MYO9A: variants seen among roughly 807,000 people sequenced by gnomAD.
The protein encoded by MYO9A is unconventional myosin-IXa.
MYO9A carries 103 observed loss-of-function variants against 293.3 expected under a neutral mutation model. The observed-to-expected ratio is 0.35, with a 90% CI of 0.30 to 0.41. The LOEUF (loss-of-function observed/expected upper bound fraction) is 0.41, where lower values mean the gene tolerates loss of function less well. MYO9A is among the 10% of genes least tolerant of loss of function. The probability of loss-of-function intolerance (pLI) is 1.00; values close to 1 mark genes in which losing one functional copy is unlikely to be tolerated. For synonymous variants in MYO9A, 1,001 were observed against 1,035.7 expected (o/e 0.97, Z 0.64); for missense variants, 2,685 against 3,033.0 (o/e 0.89, Z 2.69).
chr15:71,906,047 TTTCA>T (rs2057628005), intron 19 of MYO9A, among the ~76,000 whole-genome samples: 1 of 152,268 alleles, frequency 6.6e-6, no homozygotes, highest in African/African-American at 2.4e-5. Flanking sequence ...AATTTTGATA[TTTCA>T]TTCTATTTAA....
intron 1 of MYO9A, among the ~76,000 whole-genome samples, chr15:72,098,161 G>C (rs1245930440): frequency 6.6e-6 from 1 of 151,658 alleles, no homozygotes; most frequent in Non-Finnish European, 1.5e-5. Context: ...ATGGAGCTCT[G>C]TAACTCTGGA....
In MYO9A at chr15:71,823,553, A is replaced by C. The variant is rs1595964513; in HGVS notation, c.*3027T>G. ...GTGGCAAAATAATTTAAATGGCAGG[A>C]GGTACAAAGTACGTTGTAAACTAAG... On this transcript the variant is annotated 3_prime_UTR_variant, in exon 42 of 42. Coordinates refer to ENST00000356056, the MANE Select transcript of MYO9A (RefSeq NM_006901.4). 1 of 152,348 alleles carries C rather than the reference A, an allele frequency of 6.6e-6. No homozygotes were observed. Among genetic ancestry groups the C allele is most frequent in the East Asian group, 1.9e-4 (1 of 5,190 alleles). 9.4% of individuals were successfully genotyped at this position (152,348 alleles called of 1,614,324 possible). A position where few individuals can be genotyped will look rare whatever the true frequency, so the allele number is the denominator to read the frequency against.
intron 19 of MYO9A, among the ~76,000 whole-genome samples, chr15:71,907,187 T>C (rs893090507): frequency 2.0e-5 from 3 of 151,060 alleles, no homozygotes; most frequent in Non-Finnish European, 2.9e-5. Context: ...AGGGAGAATA[T>C]GCGGTGTTTG....
intron 11 of MYO9A, among the ~76,000 whole-genome samples, chr15:71,988,444 T>C (rs1334347064): frequency 6.6e-6 from 1 of 152,230 alleles, no homozygotes. Context: ...AAGTGTTAGC[T>C]AATATTATAA....
At chr15:71,897,292 C>T in intron 25 of MYO9A, 169 bp downstream of exon 25, 1 of 701,646 alleles carries the variant, frequency 1.4e-6, no homozygotes, top group Non-Finnish European at 2.4e-6. Flanking sequence ...GATATAACTA[C>T]ATCCAACTTC....
chr15:72,021,117 A>T, intron 4 of MYO9A, 100 bp from the exon 5 acceptor site: 1 of 677,680 alleles, frequency 1.5e-6, no homozygotes, highest in Non-Finnish European at 2.4e-6. Flanking sequence ...AAAATGTATC[A>T]GCTTTGCTTC....
intron 39 of MYO9A, among the ~76,000 whole-genome samples, chr15:71,840,834 C>T (rs1244444484): frequency 3.3e-5 from 5 of 152,086 alleles, no homozygotes; most frequent in South Asian, 2.1e-4. Context: ...GGTTTCACCA[C>T]GTTAGCCAGG....
chr15:71,903,066 GA>G lies in MYO9A; in HGVS notation c.2878-4del. ...ACATGGAAGTGGCTCACAAAATCCT[GA>G]AAAATAATTTAAAAATATTGTAAAA... is the stretch of plus-strand genomic sequence containing the variant. On this transcript the variant is annotated splice_region_variant and splice_polypyrimidine_tract_variant and intron_variant, in intron 21 of 41. Transcript: ENST00000356056. 1 of 1,581,468 alleles carries G rather than the reference GA, an allele frequency of 6.3e-7. No individual in the cohort carries two copies. The highest frequency in any genetic ancestry group is 8.6e-7 in the Non-Finnish European group (1 of 1,161,120).
intron 1 of MYO9A, among the ~76,000 whole-genome samples, chr15:72,089,626 T>TAAAA: frequency 6.6e-6 from 1 of 152,118 alleles, no homozygotes; most frequent in African/African-American, 2.4e-5. Context: ...CAAAAAATTT[T>TAAAA]AAAAATTAGC....
intron 37 of MYO9A, among the ~76,000 whole-genome samples, chr15:71,850,849 C>T (rs897982366): frequency 2.8e-5 from 4 of 143,112 alleles, no homozygotes; most frequent in Non-Finnish European, 4.5e-5. Flanking sequence ...GCTTTCTTCT[C>T]AACTACTGCT....
At chr15:72,039,205 G>A (rs967631808) in intron 2 of MYO9A, among the ~76,000 whole-genome samples, 1 of 152,024 alleles carries the variant, frequency 6.6e-6, no homozygotes, top group Non-Finnish European at 1.5e-5. Flanking sequence ...ACACAAGTAT[G>A]TCATTGTTTT....
intron 15 of MYO9A, among the ~76,000 whole-genome samples, chr15:71,946,363 A>G (rs2058919081): frequency 6.6e-6 from 1 of 152,196 alleles, no homozygotes; most frequent in Non-Finnish European, 1.5e-5. Flanking sequence ...AATATTGTAA[A>G]AAGATACCGC....
chr15:71,991,071 G>A (rs1399567236), intron 11 of MYO9A, 32 bp downstream of exon 11: 1 of 1,490,580 alleles, frequency 6.7e-7, no homozygotes, highest in Non-Finnish European at 9.0e-7. Context: ...TGTGTGATGG[G>A]GGGACAAGTG....
chr15:72,064,728 T>C (rs1004885625), intron 1 of MYO9A, among the ~76,000 whole-genome samples: 1 of 152,194 alleles, frequency 6.6e-6, no homozygotes, highest in African/African-American at 2.4e-5. Flanking sequence ...CCTAAATACA[T>C]GGAAAAATAT....
At chr15:72,001,312 T>C (rs2076858103) in intron 8 of MYO9A, among the ~76,000 whole-genome samples, 1 of 151,990 alleles carries the variant, frequency 6.6e-6, no homozygotes, top group Non-Finnish European at 1.5e-5. Context: ...CCCAGCACAT[T>C]AGGAGGCCAA....
At chr15:72,067,382 T>C (rs747475619) in intron 1 of MYO9A, among the ~76,000 whole-genome samples, 1 of 152,060 alleles carries the variant, frequency 6.6e-6, no homozygotes, top group African/African-American at 2.4e-5. Flanking sequence ...CAGTATCGAC[T>C]CACTGTAACC....
At chr15:71,970,618 C>G (rs1224044098) in intron 12 of MYO9A, among the ~76,000 whole-genome samples, 1 of 152,124 alleles carries the variant, frequency 6.6e-6, no homozygotes, top group East Asian at 1.9e-4. Flanking sequence ...AAATTCTTTA[C>G]AAGGACAGGT....
chr15:71,955,129 C>CTT (rs796862707), intron 14 of MYO9A, among the ~76,000 whole-genome samples: 2 of 142,132 alleles, frequency 1.4e-5, no homozygotes, highest in Non-Finnish European at 3.1e-5. Flanking sequence ...AATTTATTAC[C>CTT]TTTTTTTTTT....
At chr15:71,849,945 G>GAACCCATTCACTATTTTATC in intron 38 of MYO9A, 91 bp downstream of exon 38, 1 of 1,488,382 alleles carries the variant, frequency 6.7e-7, no homozygotes, top group South Asian at 1.2e-5. Flanking sequence ...CTGAATTTAT[G>GAACCCATTCACTATTTTATC]AACCCATTCA....
Sources: allele counts gnomAD v4.1 joint callset (sites outside exome capture counted in the v4.1 genomes callset), GRCh38; gene constraint gnomAD v4.1.1; transcripts MANE v1.5; gene names NCBI Gene and HGNC (gene_info 2026-07-23, HGNC 2026-07-21).